PHYKPL: variants seen among roughly 807,000 people sequenced by gnomAD.
PHYKPL encodes 5-phosphonooxy-L-lysine phospho-lyase.
A neutral mutation model predicts 51.3 loss-of-function variants in PHYKPL; 42 were observed. That is an observed-to-expected ratio of 0.82 (90% confidence interval 0.64 to 1.06). The LOEUF (loss-of-function observed/expected upper bound fraction) is 1.06, where lower values mean the gene tolerates loss of function less well. Ranked by LOEUF, PHYKPL falls within the 50% of genes least tolerant of loss-of-function variation. PHYKPL has a pLI of 0.00. For synonymous variants in PHYKPL, 264 were observed against 236.0 expected (o/e 1.12, Z -1.09); for missense variants, 655 against 586.6 (o/e 1.12, Z -1.20).
At chr5:178,231,578 T>A in intron 1 of PHYKPL, 55 bp from the exon 2 acceptor site, 2 of 1,613,136 alleles carry the variant, frequency 1.2e-6, no homozygotes, top group Non-Finnish European at 1.7e-6. Flanking sequence ...AAGGGTGAAG[T>A]CTACTCATCG....
intron 12 of PHYKPL, chr5:178,210,510 A>T (rs1408092960): frequency 6.3e-7 from 1 of 1,591,812 alleles, no homozygotes; most frequent in African/African-American, 1.3e-5. Context: ...GCACAGGGCA[A>T]ATGCTTGTAA....
chr5:178,220,252 G>A (rs1760882062), intron 8 of PHYKPL, among the ~76,000 whole-genome samples: 1 of 149,120 alleles, frequency 6.7e-6, no homozygotes, highest in Non-Finnish European at 1.5e-5. Flanking sequence ...TAATCCCAGT[G>A]CTTTGGGAGG....
At chr5:178,212,780 GCT>G (rs1758858794) in intron 11 of PHYKPL, among the ~76,000 whole-genome samples, 191 bp downstream of exon 11, 1 of 152,224 alleles carries the variant, frequency 6.6e-6, no homozygotes, top group Admixed American at 6.5e-5. Context: ...AGCCCAGGAA[GCT>G]CTCTTAGGTA....
chr5:178,223,963 C>T, intron 6 of PHYKPL: 2 of 186,550 alleles, frequency 1.1e-5, no homozygotes, highest in South Asian at 1.0e-4. Flanking sequence ...CAGAGAGCAG[C>T]CCCGGCCCCA....
intron 3 of PHYKPL, chr5:178,228,225 C>A (rs949622037): frequency 2.8e-6 from 1 of 354,366 alleles, no homozygotes; most frequent in Non-Finnish European, 5.2e-6. Flanking sequence ...AGAAAAGTGG[C>A]CCAGGATCAG....
At position 178,232,671 on chromosome 5, in the gene PHYKPL, G is replaced by C; in HGVS notation, c.-121C>G. 9.0e-7 allele frequency: 1 copy of C among 1,112,522 alleles called. No individual in the cohort carries two copies. The highest frequency in any genetic ancestry group is 1.1e-6 in the Non-Finnish European group (1 of 882,376). 68.9% of individuals were successfully genotyped at this position (1,112,522 alleles called of 1,614,324 possible). ...GGGTCGGGATTTGGGGCTCAGGTTCGCACTCGGCCCCGCCCCGAAGCGCCC... is the reference window on the plus strand; with the variant it reads ...GGGTCGGGATTTGGGGCTCAGGTTCCCACTCGGCCCCGCCCCGAAGCGCCC... On this transcript the variant is annotated 5_prime_UTR_variant, in exon 1 of 13. Coordinates refer to ENST00000308158, the MANE Select transcript of PHYKPL (RefSeq NM_153373.4).
downstream of PHYKPL, chr5:178,207,274 G>GC: frequency 6.2e-7 from 1 of 1,606,640 alleles, no homozygotes; most frequent in Non-Finnish European, 8.5e-7. Context: ...TGGAGAGCTG[G>GC]CCCTTAGAGG....
rs757902202 is a variant in PHYKPL at position 178,222,372 on chromosome 5, C to T, written c.910G>A (p.Val304Ile). Reference sequence around the variant, plus strand: ...TCACTCACCGTGTTGAAGTACTCAACGCCGGTGGCTTCAAATGCCCTCGCC... The same window carrying T: ...TCACTCACCGTGTTGAAGTACTCAATGCCGGTGGCTTCAAATGCCCTCGCC... ...PVARAFEATG[V>I]EYFNTFGGSP... Residue 304 changes from valine (V) to isoleucine (I), a missense_variant, in exon 8 of 13, where the codon GTT becomes ATT. Physicochemically the swap from Val to Ile is conservative, Grantham distance 29. Transcript: ENST00000308158. 3.2e-5 allele frequency: 52 copies of T among 1,613,202 alleles called. No individual in the cohort carries two copies. The highest frequency in any genetic ancestry group is 1.1e-4 in the African/African-American group (8 of 74,942).
At chr5:178,232,086 C>T (rs1763582311) in intron 1 of PHYKPL, 18 of 1,190,384 alleles carry the variant, frequency 1.5e-5, no homozygotes, top group Non-Finnish European at 1.8e-5. Flanking sequence ...CCCTTTCAGC[C>T]CCCTCCCAGG....
In PHYKPL at chr5:178,209,425, CGGAGGTGGTGGT is replaced by C. The variant is rs770899521; in HGVS notation, c.*32-522_*32-511del. 15 of 1,613,894 alleles carry C rather than the reference CGGAGGTGGTGGT, an allele frequency of 9.3e-6. No homozygotes were observed. In the South Asian group the frequency reaches 1.1e-4, roughly 12 times the overall value. The stretch of plus-strand genomic sequence containing the variant: ...ACCGCAACCGAGGGAACCGAGGCAG[CGGAGGTGGTGGT>C]GGAGGTGGAGGTGAGTGGAACGTGG... On this transcript the variant is annotated intron_variant, in intron 12 of 12. Coordinates refer to ENST00000308158, the MANE Select transcript of PHYKPL (RefSeq NM_153373.4).
In PHYKPL at chr5:178,232,582, C is replaced by T; in HGVS notation, c.-32G>A. Reference sequence around the variant, plus strand: ...TGGCCGTCAGTCGGTGCCGTGACGCCACGCGGAGACGTCGCCGCGCGGGCT... The same window carrying T: ...TGGCCGTCAGTCGGTGCCGTGACGCTACGCGGAGACGTCGCCGCGCGGGCT... On this transcript the variant is annotated 5_prime_UTR_variant, in exon 1 of 13. Coordinates refer to ENST00000308158, the MANE Select transcript of PHYKPL (RefSeq NM_153373.4). 1 of 1,250,918 alleles carries T rather than the reference C, an allele frequency of 8.0e-7. No individual in the cohort carries two copies. Among genetic ancestry groups the T allele is most frequent in the Non-Finnish European group, 1.0e-6 (1 of 999,232 alleles). 77.5% of individuals were successfully genotyped at this position (1,250,918 alleles called of 1,614,324 possible). A position where few individuals can be genotyped will look rare whatever the true frequency, so the allele number is the denominator to read the frequency against.
At position 178,230,035 on chromosome 5, in the gene PHYKPL, G is replaced by A; in HGVS notation, c.243C>T (p.Asn81=). 6.2e-7 allele frequency: 1 copy of A among 1,614,242 alleles called. No homozygotes were observed. Among genetic ancestry groups the A allele is most frequent in the Non-Finnish European group, 8.5e-7 (1 of 1,180,044 alleles). The change falls in exon 3 of 13, where the codon AAC becomes AAT. Residue 81 remains asparagine, a synonymous_variant. Coordinates refer to ENST00000308158, the MANE Select transcript of PHYKPL (RefSeq NM_153373.4). The stretch of plus-strand genomic sequence containing the variant: ...CGATGTTGTCATGCAGGTACCGGCT[G>A]TTGGTGTTGAGCACCTGGTTCTGCT... ...AHEQNQVLNT[N]SRYLHDNIVD... is the part of the protein sequence containing the mutation.
chr5:178,207,783 A>G (rs1757149322), downstream of PHYKPL, among the ~76,000 whole-genome samples: 1 of 139,684 alleles, frequency 7.2e-6, no homozygotes, highest in Non-Finnish European at 1.5e-5. Flanking sequence ...GCTCACTGCA[A>G]CCTTGACCTC....
intron 1 of PHYKPL, 89 bp from the exon 2 acceptor site, chr5:178,231,612 A>G: frequency 6.3e-7 from 1 of 1,594,470 alleles, no homozygotes; most frequent in South Asian, 1.1e-5. Flanking sequence ...ACCCCTTCCC[A>G]GTTTCTGGTG....
intron 12 of PHYKPL, chr5:178,209,571 G>C: frequency 1.3e-6 from 1 of 773,574 alleles, no homozygotes; most frequent in Non-Finnish European, 2.2e-6. Context: ...GGTTGGGGAC[G>C]AACAGGAATA....
At chr5:178,231,622 G>T in intron 1 of PHYKPL, 99 bp from the exon 2 acceptor site, 1 of 1,590,296 alleles carries the variant, frequency 6.3e-7, no homozygotes, top group Non-Finnish European at 8.6e-7. Context: ...AGTTTCTGGT[G>T]GCGGGGGGGA....
At chr5:178,232,164 G>A (rs1040234922) in intron 1 of PHYKPL, 16 of 1,217,310 alleles carry the variant, frequency 1.3e-5, no homozygotes, top group East Asian at 4.4e-5. Flanking sequence ...AGGCGCCAGG[G>A]TGAAGGTCTT....
intron 12 of PHYKPL, chr5:178,209,276 G>GTCAC (rs1409655215): frequency 8.6e-6 from 12 of 1,401,032 alleles, no homozygotes; most frequent in Non-Finnish European, 1.1e-5. Flanking sequence ...TGTTTGGGCA[G>GTCAC]TCACTGCCCT....
chr5:178,225,722 C>G (rs529726862), intron 3 of PHYKPL: 3 of 429,866 alleles, frequency 7.0e-6, no homozygotes, highest in African/African-American at 6.0e-5. Flanking sequence ...TGCTTTCACA[C>G]TACAACAATC....
Sources: allele counts gnomAD v4.1 joint callset (sites outside exome capture counted in the v4.1 genomes callset), GRCh38; gene constraint gnomAD v4.1.1; transcripts MANE v1.5; gene names NCBI Gene and HGNC (gene_info 2026-07-23, HGNC 2026-07-21).